Variants in AKAP13 observed in about 807,000 individuals in gnomAD.
AKAP13 encodes the protein A-kinase anchoring protein 13.
A neutral mutation model predicts 264.5 loss-of-function variants in AKAP13; 80 were observed. That is an observed-to-expected ratio of 0.30 (90% CI 0.25 to 0.36). AKAP13 has a LOEUF of 0.36. Among genes scored for constraint, AKAP13 ranks in the 10% least tolerant of loss-of-function variants. The pLI, the probability that AKAP13 is intolerant of heterozygous loss-of-function variation, is 1.00. For missense variants in AKAP13, 3,712 were observed against 3,435.2 expected (o/e 1.08, Z -2.01); for synonymous variants, 1,380 against 1,250.2 (o/e 1.10, Z -2.19).
chr15:85,496,927 A>G lies in AKAP13; in HGVS notation c.33+11174A>G, dbSNP rs554384849. ...TTTCTTTCTGTTGGACTTTTTAATC[A>G]GTTTCCAGAAACTTGCTTTGAATTT... On this transcript the variant is annotated intron_variant, in intron 2 of 36. Coordinates refer to ENST00000394518, the MANE Select transcript of AKAP13 (RefSeq NM_007200.5). Among the ~76,000 whole-genome samples, 3 of 139,362 alleles carry G rather than the reference A, an allele frequency of 2.2e-5. No homozygotes were observed. The Admixed American group carries it at 2.2e-4, about 10-fold the overall frequency. 91.4% of individuals were successfully genotyped at this position (139,362 alleles called of 152,430 possible).
intron 3 of AKAP13, among the ~76,000 whole-genome samples, chr15:85,527,995 TG>T (rs1186661274): frequency 1.3e-5 from 2 of 152,250 alleles, no homozygotes; most frequent in Non-Finnish European, 2.9e-5. Flanking sequence ...GGTTTCTTTT[TG>T]GATAGCTGAT....
chr15:85,727,260 C>A lies in AKAP13; in HGVS notation c.7004+13C>A. The stretch of plus-strand genomic sequence containing the variant: ...CAATCAACACCCTGTAAGTTAACCA[C>A]CAGGCCCCACCCTTCCCAGCCCTCC... On this transcript the variant is annotated intron_variant, in intron 28 of 36. Transcript: ENST00000394518. This position sits in a 1 kb window ranked among gnomAD's most constrained non-coding sequence, Gnocchi z 5.3. The A allele has an allele frequency of 1.9e-6, 3 of 1,613,964 alleles. No individual in the cohort carries two copies. Among genetic ancestry groups the A allele is most frequent in the South Asian group, 1.1e-5 (1 of 91,072 alleles).
intron 5 of AKAP13, among the ~76,000 whole-genome samples, chr15:85,570,095 ACC>A (rs2078761003): frequency 6.7e-6 from 1 of 149,136 alleles, no homozygotes; most frequent in Admixed American, 6.7e-5. Context: ...AAAAAAAAAA[ACC>A]ACTGGATTTT....
chr15:85,594,240 C>T (rs1263359911), intron 8 of AKAP13, among the ~76,000 whole-genome samples: 2 of 152,110 alleles, frequency 1.3e-5, no homozygotes, highest in Non-Finnish European at 2.9e-5. Context: ...ATTCAGTACT[C>T]AGTTCAACAA....
intron 1 of AKAP13, among the ~76,000 whole-genome samples, chr15:85,479,123 T>C (rs1378082737): frequency 6.6e-6 from 1 of 152,222 alleles, no homozygotes; most frequent in East Asian, 1.9e-4. Context: ...TATTTTACTT[T>C]TTTGATAGAA....
chr15:85,620,247 C>T (rs959704824), intron 8 of AKAP13: 1 of 1,372,764 alleles, frequency 7.3e-7, no homozygotes, highest in Admixed American at 2.0e-5. Flanking sequence ...TAGCCATGTC[C>T]CTGGCCCTCC....
At chr15:85,671,426 A>G (rs961697539) in intron 14 of AKAP13, among the ~76,000 whole-genome samples, 1 of 110,944 alleles carries the variant, frequency 9.0e-6, no homozygotes, top group Admixed American at 9.4e-5. Flanking sequence ...AGAGTGAGAC[A>G]CTGCCTCAAA....
At chr15:85,741,705 A>AC (rs1567225865) in intron 35 of AKAP13, among the ~76,000 whole-genome samples, 3 of 58,454 alleles carry the variant, frequency 5.1e-5, no homozygotes, top group Admixed American at 1.6e-4. Context: ...CCTAAAAAAA[A>AC]AAAAAAAAAA....
intron 1 of AKAP13, among the ~76,000 whole-genome samples, chr15:85,450,704 G>A (rs1469143255): frequency 6.6e-6 from 1 of 151,996 alleles, no homozygotes; most frequent in Admixed American, 6.6e-5. Flanking sequence ...TTTTCATTGC[G>A]CTGTGGTCTG....
At position 85,644,049 on chromosome 15, in the gene AKAP13, C is replaced by G. The variant is rs181109884; in HGVS notation, c.4238-1769C>G. ...TTGTCATCACCTTGTACTGTCAGTT[C>G]CTTTTGAATTTGCTTCCCCCAAAAC... On this transcript the variant is annotated intron_variant, in intron 9 of 36. Transcript: ENST00000394518. Among the ~76,000 whole-genome samples, 96 of 152,136 alleles carry G rather than the reference C, an allele frequency of 6.3e-4. 1 individual carries two copies. Among genetic ancestry groups the G allele is most frequent in the African/African-American group, 2.1e-3 (86 of 41,496 alleles).
chr15:85,463,603 A>G (rs752838774), intron 1 of AKAP13, among the ~76,000 whole-genome samples: 1 of 152,162 alleles, frequency 6.6e-6, no homozygotes, highest in African/African-American at 2.4e-5. Flanking sequence ...TGAACACTGG[A>G]TCTTTTTGTG....
intron 8 of AKAP13, among the ~76,000 whole-genome samples, chr15:85,592,950 G>A (rs2151335532): frequency 6.6e-6 from 1 of 152,210 alleles, no homozygotes; most frequent in East Asian, 1.9e-4. Context: ...TCTCTGATCT[G>A]TGTTTTCTCC....
At chr15:85,498,517 A>G (rs939533513) in intron 2 of AKAP13, among the ~76,000 whole-genome samples, 5 of 148,644 alleles carry the variant, frequency 3.4e-5, no homozygotes, top group African/African-American at 1.2e-4. Context: ...AATTCAAACT[A>G]AAAACTTTTG....
Position 85,604,533 on chromosome 15 carries a change from G to T in AKAP13, c.4161+18710G>T, listed in dbSNP as rs376879698. Reference sequence around the variant, plus strand: ...GGCTGGAGTGCAATGCTGCAATCTCGGCTCATTGCAACCTCTGCCTCCCGG... The same window carrying T: ...GGCTGGAGTGCAATGCTGCAATCTCTGCTCATTGCAACCTCTGCCTCCCGG... On this transcript the variant is annotated intron_variant, in intron 8 of 36. Coordinates refer to ENST00000394518, the MANE Select transcript of AKAP13 (RefSeq NM_007200.5). 1.9e-4 allele frequency among the ~76,000 whole-genome samples: 28 copies of T among 151,176 alleles called. No homozygotes were observed. In the East Asian group the frequency reaches 4.9e-3, roughly 26 times the overall value.
At chr15:85,631,610 G>A (rs2081831420) in intron 8 of AKAP13, among the ~76,000 whole-genome samples, 2 of 151,282 alleles carry the variant, frequency 1.3e-5, no homozygotes, top group Non-Finnish European at 2.9e-5. Context: ...ACACTAATGG[G>A]AAAACAAGTG....
intron 5 of AKAP13, among the ~76,000 whole-genome samples, chr15:85,558,176 TA>T (rs1194253905): frequency 6.6e-6 from 1 of 152,236 alleles, no homozygotes; most frequent in East Asian, 1.9e-4. Context: ...TGACCCACCT[TA>T]CCTGTTTATT....
intron 3 of AKAP13, among the ~76,000 whole-genome samples, chr15:85,527,662 T>C (rs886692854): frequency 6.6e-6 from 1 of 152,214 alleles, no homozygotes; most frequent in Admixed American, 6.5e-5. Context: ...CTCTTCTGAT[T>C]AAATACTCCT....
At chr15:85,427,100 C>T (rs1331550484) in intron 1 of AKAP13, among the ~76,000 whole-genome samples, 2 of 151,734 alleles carry the variant, frequency 1.3e-5, no homozygotes, top group African/African-American at 2.4e-5. Context: ...GGACTACAGG[C>T]GCCCACCACC....
At chr15:85,736,277 C>G in intron 33 of AKAP13, 143 bp downstream of exon 33, 1 of 662,314 alleles carries the variant, frequency 1.5e-6, no homozygotes, top group East Asian at 2.8e-5. Flanking sequence ...GTAAACAATA[C>G]AGTTGTCAGT....
Sources: allele counts gnomAD v4.1 joint callset (sites outside exome capture counted in the v4.1 genomes callset), GRCh38; gene constraint gnomAD v4.1.1; non-coding constraint Gnocchi (gnomAD v3.1); transcripts MANE v1.5; gene names NCBI Gene and HGNC (gene_info 2026-07-23, HGNC 2026-07-21).